Variants in TENM1 observed in about 807,000 individuals in gnomAD.
The protein encoded by TENM1 is teneurin transmembrane protein 1.
TENM1 carries 35 observed loss-of-function variants against 174.8 expected under a neutral mutation model. That is an observed-to-expected ratio of 0.20 (90% CI 0.15 to 0.27). The LOEUF (loss-of-function observed/expected upper bound fraction) is 0.27. Ranked by LOEUF, TENM1 falls within the 10% of genes least tolerant of loss-of-function variation. The pLI, the probability that TENM1 is intolerant of heterozygous loss-of-function variation, is 1.00. For missense variants in TENM1, 1,633 were observed against 2,130.1 expected (o/e 0.77, Z 4.59); for synonymous variants, 781 against 798.7 (o/e 0.98, Z 0.37).
chrX:125,015,540 A>T, the TENM1 span, among the ~76,000 whole-genome samples: 296 of 112,037 alleles, frequency 2.6e-3, 1 homozygote, highest in African/African-American at 9.1e-3. Flanking sequence ...GACAGCAAAT[A>T]AGAACTGATC....
the TENM1 span, among the ~76,000 whole-genome samples, chrX:125,165,750 T>C: frequency 8.9e-6 from 1 of 111,820 alleles, no homozygotes; most frequent in Non-Finnish European, 1.9e-5. Flanking sequence ...GTCTTCTCCC[T>C]GTTCACTATA....
intron 3 of TENM1, among the ~76,000 whole-genome samples, chrX:124,843,081 C>G (rs910920291): frequency 9.0e-6 from 1 of 111,306 alleles, no homozygotes; most frequent in African/African-American, 3.3e-5. Context: ...AATGTACTTT[C>G]TGCTGTCATT....
At chrX:124,768,447 G>C (rs775290130) in intron 3 of TENM1, among the ~76,000 whole-genome samples, 5 of 111,914 alleles carry the variant, frequency 4.5e-5, no homozygotes, top group Non-Finnish European at 3.8e-5. Flanking sequence ...GATTCCCAGA[G>C]TGGTCAACAC....
intron 3 of TENM1, among the ~76,000 whole-genome samples, chrX:124,833,288 CAA>C (rs750074183): frequency 3.6e-5 from 4 of 111,935 alleles, no homozygotes; most frequent in African/African-American, 1.3e-4. Flanking sequence ...ACCATACTTT[CAA>C]AAAGTTTCTG....
the TENM1 span, among the ~76,000 whole-genome samples, chrX:125,191,786 A>T: frequency 8.9e-6 from 1 of 111,867 alleles, no homozygotes; most frequent in African/African-American, 3.3e-5. Flanking sequence ...CTATTATTTG[A>T]TTGTTTATGT....
At position 124,872,514 on chromosome X, in the gene TENM1, G is replaced by A. The variant is rs767491389; in HGVS notation, c.535+21782C>T. On this transcript the variant is annotated intron_variant, in intron 3 of 31. Coordinates refer to ENST00000422452, the Ensembl canonical transcript of TENM1. Reference sequence around the variant, plus strand: ...AGAAATTTCCAATTGAAAACAAAACGTTAAAAGTATCAACTTTGGTGAATA... The same window carrying A: ...AGAAATTTCCAATTGAAAACAAAACATTAAAAGTATCAACTTTGGTGAATA... Among the ~76,000 whole-genome samples, 7 of 111,783 alleles carry A rather than the reference G, an allele frequency of 6.3e-5. No homozygotes were observed. The East Asian group carries it at 1.7e-3, about 27-fold the overall frequency.
chrX:125,073,629 G>C, the TENM1 span, among the ~76,000 whole-genome samples: 1 of 110,561 alleles, frequency 9.0e-6, no homozygotes, highest in Non-Finnish European at 1.9e-5. Context: ...GTCTTTCTGT[G>C]GCATTGTAGG....
intron 3 of TENM1, among the ~76,000 whole-genome samples, chrX:124,852,127 A>T (rs1210111633): frequency 9.0e-6 from 1 of 111,015 alleles, no homozygotes; most frequent in Non-Finnish European, 1.9e-5. Flanking sequence ...AAAATGAATA[A>T]AGTTACCTGT....
At chrX:124,708,075 A>G (rs1603040987) in intron 4 of TENM1, among the ~76,000 whole-genome samples, 1 of 112,697 alleles carries the variant, frequency 8.9e-6, no homozygotes, top group East Asian at 2.8e-4. Flanking sequence ...GCAGTAAAAT[A>G]ACAAAACACA....
the TENM1 span, among the ~76,000 whole-genome samples, chrX:125,182,996 G>A: frequency 9.0e-6 from 1 of 111,684 alleles, no homozygotes; most frequent in Non-Finnish European, 1.9e-5. Context: ...GGAATGCAGA[G>A]CAAAAGAAAG....
chrX:124,475,259 C>T (rs1030143299), intron 22 of TENM1, among the ~76,000 whole-genome samples: 1 of 111,531 alleles, frequency 9.0e-6, no homozygotes, highest in Non-Finnish European at 1.9e-5. Context: ...CAAATAATCG[C>T]TTCAGTCTCC....
chrX:124,936,183 G>A (rs1030494703), intron 1 of TENM1, among the ~76,000 whole-genome samples: 8 of 111,764 alleles, frequency 7.2e-5, no homozygotes, highest in Admixed American at 5.7e-4. Context: ...CTTAGGTCTT[G>A]TCTCCACCTG....
chrX:124,722,583 G>C (rs2053337274), intron 4 of TENM1, among the ~76,000 whole-genome samples: 1 of 110,991 alleles, frequency 9.0e-6, no homozygotes. Context: ...GCTCACGCCT[G>C]TAATCCCAGC....
intron 20 of TENM1, among the ~76,000 whole-genome samples, chrX:124,490,936 T>C (rs1201789317): frequency 1.8e-5 from 2 of 111,922 alleles, no homozygotes; most frequent in Non-Finnish European, 3.8e-5. Context: ...AAAGTGGTCC[T>C]GAGGCTATAA....
the TENM1 span, among the ~76,000 whole-genome samples, chrX:125,001,925 T>TCACA: frequency 4.2e-3 from 284 of 67,248 alleles, 1 homozygote; most frequent in African/African-American, 5.7e-3. Context: ...TCTAGAGAGA[T>TCACA]CACACACACA....
intron 3 of TENM1, among the ~76,000 whole-genome samples, chrX:124,891,806 T>C (rs1465270585): frequency 8.9e-6 from 1 of 111,856 alleles, no homozygotes; most frequent in Admixed American, 9.5e-5. Context: ...TGTAGCACTT[T>C]TATCCTTATG....
intron 22 of TENM1, among the ~76,000 whole-genome samples, chrX:124,465,090 T>C (rs2061226917): frequency 8.9e-6 from 1 of 111,755 alleles, no homozygotes; most frequent in Non-Finnish European, 1.9e-5. Flanking sequence ...ATTTAAATAG[T>C]CTCCCAGTCC....
intron 1 of TENM1, among the ~76,000 whole-genome samples, chrX:124,944,944 G>T (rs2058380413): frequency 1.8e-5 from 2 of 110,716 alleles, no homozygotes; most frequent in African/African-American, 6.6e-5. Context: ...TATATGTGTG[G>T]TCTTAGTGTA....
At chrX:125,171,877 C>G in the TENM1 span, among the ~76,000 whole-genome samples, 1 of 112,029 alleles carries the variant, frequency 8.9e-6, no homozygotes, top group Non-Finnish European at 1.9e-5. Flanking sequence ...GTTCATACTT[C>G]AAGTTCTTTC....
Sources: gnomAD v4.1 joint callset for allele counts (sites outside exome capture counted in the v4.1 genomes callset) on GRCh38, gnomAD v4.1.1 for gene constraint, MANE v1.5 for transcripts, NCBI Gene and HGNC (gene_info 2026-07-23, HGNC 2026-07-21) for gene names.